The following TBC1D17 variants were observed in gnomAD, a reference collection of about 807,000 sequenced individuals.
TBC1D17 encodes the protein TBC1 domain family member 17.
A neutral mutation model predicts 78.8 loss-of-function variants in TBC1D17; 69 were observed. The observed-to-expected ratio is 0.88, with a 90% CI of 0.72 to 1.07. TBC1D17 has a LOEUF of 1.07. TBC1D17 is among the 50% of genes least tolerant of loss of function. TBC1D17 has a pLI of 0.00. For missense variants in TBC1D17, 957 were observed against 861.0 expected, an observed-to-expected ratio of 1.11 and a Z score of -1.39; for synonymous variants, 456 against 358.3, an observed-to-expected ratio of 1.27 and a Z score of -3.08.
At chr19:49,879,801 C>T (rs1160559371) in intron 3 of TBC1D17, among the ~76,000 whole-genome samples, 1 of 150,136 alleles carries the variant, frequency 6.7e-6, no homozygotes, top group Non-Finnish European at 1.5e-5. Context: ...CTGGCTCGCT[C>T]TCTGGCTGCA....
In TBC1D17 at chr19:49,887,489, C is replaced by T. The variant is rs199878346; in HGVS notation, c.1458C>T (p.Ser486=). The T allele has an allele frequency of 9.8e-5, 158 of 1,614,030 alleles. No individual in the cohort carries two copies. The East Asian group carries it at 2.7e-3, about 27-fold the overall frequency. The change falls in exon 14 of 17, where the codon TCC becomes TCT. Residue 486 remains serine (S), a synonymous_variant. Coordinates refer to ENST00000221543, the MANE Select transcript of TBC1D17 (RefSeq NM_024682.3). Reference sequence around the variant, plus strand: ...GTCATCCCCCAGATTCCCAGGACTCCGGCTCTCTCTGCTTCTGTTTCCGGT... The same window carrying T: ...GTCATCCCCCAGATTCCCAGGACTCTGGCTCTCTCTGCTTCTGTTTCCGGT... ...LLCDFLDSQD[S]GSLCFCFRWL... is the part of the protein sequence containing the mutation.
rs776549644 is a variant in TBC1D17, at chr19:49,881,343, C to G, written c.395C>G (p.Ser132Cys). The G allele has an allele frequency of 1.2e-6, 2 of 1,613,360 alleles. No homozygotes were observed. The highest frequency in any genetic ancestry group is 1.7e-6 in the Non-Finnish European group (2 of 1,180,004). ...GGGGAGCTAAAGTCCATCCGCCGCTCCAAGCCAGGCCTCAGCTGGGCCTAC... is the reference window on the plus strand; with the variant it reads ...GGGGAGCTAAAGTCCATCCGCCGCTGCAAGCCAGGCCTCAGCTGGGCCTAC... ...SLGELKSIRR[S>C]KPGLSWAYLV... Residue 132 changes from serine (S) to cysteine (C), a missense_variant, in exon 5 of 17, where the codon TCC becomes TGC. By Grantham distance (112) the Ser-to-Cys change is moderately radical. Transcript: ENST00000221543.
intron 14 of TBC1D17, 27 bp downstream of exon 14, chr19:49,887,600 C>A: frequency 6.2e-7 from 1 of 1,613,014 alleles, no homozygotes; most frequent in Non-Finnish European, 8.5e-7. Context: ...GGGCGAGAGG[C>A]CTGAAGGGGT....
chr19:49,883,816 G>A (rs1358553048), intron 10 of TBC1D17, 71 bp downstream of exon 10: 11 of 1,363,464 alleles, frequency 8.1e-6, no homozygotes, highest in Admixed American at 1.7e-5. Context: ...GCATAAGTGC[G>A]AGTGGGAGAT....
At chr19:49,887,643 G>A (rs2075069420) in intron 14 of TBC1D17, 70 bp downstream of exon 14, 4 of 1,610,452 alleles carry the variant, frequency 2.5e-6, no homozygotes, top group Non-Finnish European at 3.4e-6. Flanking sequence ...TGGGCGGAGA[G>A]GGACAGACCC....
Position 49,878,560 on chromosome 19 carries a change from C to T in TBC1D17, c.183C>T (p.Leu61=), listed in dbSNP as rs746821888. ...AGGCTGGAGATTCCACCCAAATCCTCTTCTCCAAGAAGGTAGGCTCCACCC... is the reference window on the plus strand; with the variant it reads ...AGGCTGGAGATTCCACCCAAATCCTTTTCTCCAAGAAGGTAGGCTCCACCC... The part of the protein sequence containing the change: ...VEEAGDSTQI[L]FSKKDSSGGD... Residue 61 remains leucine (L), a synonymous_variant, in exon 3 of 17, where the codon CTC becomes CTT. Transcript: ENST00000221543. 5.0e-5 allele frequency: 80 copies of T among 1,613,996 alleles called. No individual in the cohort carries two copies. Among genetic ancestry groups the T allele is most frequent in the Non-Finnish European group, 6.5e-5 (77 of 1,180,000 alleles).
Position 49,884,703 on chromosome 19 carries a change from C to A in TBC1D17, c.1389C>A (p.Leu463=). Residue 463 remains leucine (L), a synonymous_variant, in exon 13 of 17, where the codon CTC becomes CTA. Transcript: ENST00000221543. ...EESQETMKRQ[L]GRLLLLLRVL... Reference sequence around the variant, plus strand: ...GCCAGGAGACCATGAAGCGGCAACTCGGGCGACTGCTGCTGCTCCTGAGGG... The same window carrying A: ...GCCAGGAGACCATGAAGCGGCAACTAGGGCGACTGCTGCTGCTCCTGAGGG... 6.2e-7 allele frequency: 1 copy of A among 1,614,120 alleles called. No homozygotes were observed. Among genetic ancestry groups the A allele is most frequent in the Non-Finnish European group, 8.5e-7 (1 of 1,180,032 alleles).
At chr19:49,886,870 A>AT in intron 13 of TBC1D17, 1 of 152,488 alleles carries the variant, frequency 6.6e-6, no homozygotes, top group Non-Finnish European at 1.5e-5. Flanking sequence ...ATCTCGGCTC[A>AT]CTACAACCTC....
intron 3 of TBC1D17, 105 bp downstream of exon 3, chr19:49,878,677 G>A (rs2074982742): frequency 1.8e-6 from 2 of 1,101,076 alleles, no homozygotes; most frequent in Non-Finnish European, 2.7e-6. Flanking sequence ...TACTCGTGGG[G>A]CATGTGTGAC....
rs955732754 is a variant in TBC1D17, at chr19:49,878,512, C to T, written c.135C>T (p.Leu45=). The change falls in exon 3 of 17, where the codon CTC becomes CTT. Residue 45 remains leucine, a synonymous_variant. Transcript: ENST00000221543. Reference sequence around the variant, plus strand: ...CCTTACCCTAGGACAATGACGTCCTCCTGCACTGGGCTCCTGTAGAGGAGG... The same window carrying T: ...CCTTACCCTAGGACAATGACGTCCTTCTGCACTGGGCTCCTGTAGAGGAGG... ...IRVVEKDNDV[L]LHWAPVEEAG... is the part of the protein sequence containing the mutation. The T allele has an allele frequency of 1.2e-6, 2 of 1,614,164 alleles. No individual in the cohort carries two copies. The highest frequency in any genetic ancestry group is 2.2e-5 in the East Asian group (1 of 44,888).
In TBC1D17 at chr19:49,877,704, T is replaced by TG. The variant is rs759549638; in HGVS notation, c.-16dup. 1.4e-5 allele frequency: 23 copies of TG among 1,600,172 alleles called. No individual in the cohort carries two copies. The highest frequency in any genetic ancestry group is 1.9e-5 in the Non-Finnish European group (22 of 1,174,148). On this transcript the variant is annotated 5_prime_UTR_variant, in exon 1 of 17. Coordinates refer to ENST00000221543, the MANE Select transcript of TBC1D17 (RefSeq NM_024682.3). ...CTAGGAAAAGGAGGAGGCGGGGCAG[T>TG]GGGGCCTTCGGCGGCGACTATGGAA...
Position 49,880,329 on chromosome 19 carries a change from C to G in TBC1D17, c.246C>G (p.Asp82Glu). ...SCASEEEPTF[D>E]PGYEPDWAVI... ...CTTCTGAGGAGGAACCAACCTTTGA[C>G]CCCGGCTATGAACCTGACTGGGCTG... The change falls in exon 4 of 17, where the codon GAC becomes GAG. Residue 82 changes from aspartate (D) to glutamate (E), a missense_variant. Transcript: ENST00000221543. The G allele has an allele frequency of 6.2e-7, 1 of 1,614,106 alleles. No individual in the cohort carries two copies. Among genetic ancestry groups the G allele is most frequent in the Non-Finnish European group, 8.5e-7 (1 of 1,180,014 alleles).
chr19:49,878,889 C>T, intron 3 of TBC1D17: 1 of 335,392 alleles, frequency 3.0e-6, no homozygotes, highest in Non-Finnish European at 5.6e-6. Context: ...AATGGCATTT[C>T]CTCTGGTGCC....
intron 9 of TBC1D17, 151 bp downstream of exon 9, chr19:49,883,227 C>T (rs974745678): frequency 3.0e-6 from 2 of 671,260 alleles, no homozygotes; most frequent in African/African-American, 3.6e-5. Context: ...AAGCCAGACC[C>T]ATCCTCACCC....
intron 16 of TBC1D17, 53 bp from the exon 17 acceptor site, chr19:49,888,371 C>T: frequency 6.4e-7 from 1 of 1,554,480 alleles, no homozygotes; most frequent in Non-Finnish European, 8.7e-7. Context: ...CGACCCCCGC[C>T]CCCTTCTCAC....
In TBC1D17 at chr19:49,882,402, T is replaced by C. The variant is rs756086899; in HGVS notation, c.798+2T>C. Reference sequence around the variant, plus strand: ...CCTGGATTCGAGGTCATTTCCTGTGTGAGTAGTGAGTGGACCCTCCCTGTT... The same window carrying C: ...CCTGGATTCGAGGTCATTTCCTGTGCGAGTAGTGAGTGGACCCTCCCTGTT... On this transcript the variant is annotated splice_donor_variant, in intron 7 of 16. Coordinates refer to ENST00000221543, the MANE Select transcript of TBC1D17 (RefSeq NM_024682.3). LOFTEE classifies it high-confidence loss of function. 6.2e-7 allele frequency: 1 copy of C among 1,600,614 alleles called. No individual in the cohort carries two copies. Among genetic ancestry groups the C allele is most frequent in the Non-Finnish European group, 8.5e-7 (1 of 1,176,736 alleles).
chr19:49,877,973 A>C (rs2074972043), intron 1 of TBC1D17, 170 bp from the exon 2 acceptor site: 3 of 698,630 alleles, frequency 4.3e-6, no homozygotes, highest in Non-Finnish European at 6.9e-6. Flanking sequence ...TGTGGAACGC[A>C]CGTCAGCATC....
intron 1 of TBC1D17, 107 bp from the exon 2 acceptor site, chr19:49,878,036 C>T (rs1047641944): frequency 1.0e-6 from 1 of 959,518 alleles, no homozygotes; most frequent in Non-Finnish European, 1.5e-6. Flanking sequence ...AATGGCCCTC[C>T]CGGCCCCGCC....
chr19:49,887,850 C>T lies in TBC1D17; in HGVS notation c.1659+16C>T, dbSNP rs2075072784. 5.7e-6 allele frequency: 9 copies of T among 1,589,210 alleles called. No homozygotes were observed. Among genetic ancestry groups the T allele is most frequent in the Non-Finnish European group, 7.7e-6 (9 of 1,166,364 alleles). On this transcript the variant is annotated intron_variant, in intron 15 of 16. Transcript: ENST00000221543. ...GATCCTCAAGGTGAGGCTCCGGCCC[C>T]GCCCCCGCCCTGTCCCCCCTGAGCT...
Sources: allele counts gnomAD v4.1 joint callset (sites outside exome capture counted in the v4.1 genomes callset), GRCh38; gene constraint gnomAD v4.1.1; transcripts MANE v1.5; gene names NCBI Gene and HGNC (gene_info 2026-07-23, HGNC 2026-07-21).